The following SAAL1 variants were observed in gnomAD, a reference collection of about 807,000 sequenced individuals.
SAAL1 encodes serum amyloid A like 1, also known as protein SAAL1.
In SAAL1, 42 loss-of-function variants were observed where a neutral mutation model predicts 59.8. The ratio of observed to expected loss-of-function variants is 0.70; its 90% CI spans 0.55 to 0.91. SAAL1 has a LOEUF of 0.91. SAAL1 is among the 40% of genes least tolerant of loss of function. SAAL1 has a pLI of 0.00. For missense variants in SAAL1, 542 were observed against 561.1 expected, an observed-to-expected ratio of 0.97 and a Z score of 0.34; for synonymous variants, 191 against 194.3, an observed-to-expected ratio of 0.98 and a Z score of 0.14.
chr11:18,083,645 T>TA lies in SAAL1; in HGVS notation c.1128dup (p.Asn377Ter), dbSNP rs1287366038. On this transcript the variant is annotated frameshift_variant, in exon 10 of 12. Transcript: ENST00000524803. LOFTEE classifies it high-confidence loss of function. The stretch of plus-strand genomic sequence containing the variant: ...TCAGTCCTTTTAGTTTCCTCTGTGT[T>TA]AGACTCTGCCGAGTTCTCTGGTTTT... The TA allele has an allele frequency of 7.4e-6, 12 of 1,611,226 alleles. No individual in the cohort carries two copies. Among genetic ancestry groups the TA allele is most frequent in the Admixed American group, 6.7e-5 (4 of 59,994 alleles).
At chr11:18,094,948 G>A (rs1008820649) in intron 3 of SAAL1, among the ~76,000 whole-genome samples, 9 of 152,128 alleles carry the variant, frequency 5.9e-5, no homozygotes, top group African/African-American at 2.2e-4. Context: ...TCTCACACTT[G>A]GAGATTCTGC....
intron 7 of SAAL1, among the ~76,000 whole-genome samples, chr11:18,088,149 T>A (rs1046723425): frequency 6.6e-6 from 1 of 152,234 alleles, no homozygotes; most frequent in African/African-American, 2.4e-5. Flanking sequence ...AAACTTCACA[T>A]GACTGAAACG....
At chr11:18,095,504 T>A (rs1159510490) in intron 3 of SAAL1, among the ~76,000 whole-genome samples, 1 of 152,174 alleles carries the variant, frequency 6.6e-6, no homozygotes, top group Non-Finnish European at 1.5e-5. Flanking sequence ...AGAGAGGAAA[T>A]ACAGTACAGT....
In SAAL1 at chr11:18,106,016, G is replaced by C; in HGVS notation, c.26C>G (p.Pro9Arg). The C allele has an allele frequency of 6.2e-7, 1 of 1,608,648 alleles. No individual in the cohort carries two copies. Among genetic ancestry groups the C allele is most frequent in the East Asian group, 2.2e-5 (1 of 44,828 alleles). MDRNPSPP[P>R]PGRDKEEEEE... ...CTCCTCCTCCTTGTCGCGACCCGGC[G>C]GCGGCGGCGAGGGGTTGCGGTCCAT... The change falls in exon 1 of 12, where the codon CCG becomes CGG. Residue 9 changes from proline to arginine, a missense_variant. Physicochemically the swap from Pro to Arg is moderately radical, Grantham distance 103 (BLOSUM62 -2). Transcript: ENST00000524803.
In SAAL1 at chr11:18,099,234, C is replaced by T. The variant is rs1848607278; in HGVS notation, c.250-2380G>A. On this transcript the variant is annotated intron_variant, in intron 2 of 11. Coordinates refer to ENST00000524803, the MANE Select transcript of SAAL1 (RefSeq NM_138421.3). ...CTGGGCTCAAGTGATCCTCCTGCCT[C>T]AGCCTCCCAAATAGCTGGGAATACA... Among the ~76,000 whole-genome samples, 4 of 152,328 alleles carry T rather than the reference C, an allele frequency of 2.6e-5. No individual in the cohort carries two copies. The South Asian group carries it at 8.3e-4, about 32-fold the overall frequency.
chr11:18,104,401 T>C (rs78251200), intron 1 of SAAL1, among the ~76,000 whole-genome samples: 26,638 of 151,812 alleles, frequency 0.18, 3,008 homozygotes, highest in Non-Finnish European at 0.25. Context: ...CTGGGGTAGA[T>C]ATACAAAGAC....
chr11:18,101,666 T>A (rs980614238), intron 2 of SAAL1, among the ~76,000 whole-genome samples: 10 of 152,136 alleles, frequency 6.6e-5, no homozygotes, highest in Non-Finnish European at 1.5e-4. Flanking sequence ...CTCTAGGTAT[T>A]CACCCAAGGA....
intron 3 of SAAL1, among the ~76,000 whole-genome samples, chr11:18,095,263 C>A (rs959660390): frequency 6.6e-6 from 1 of 152,244 alleles, no homozygotes; most frequent in South Asian, 2.1e-4. Context: ...AGGTGCCATT[C>A]CTGACATAAG....
intron 1 of SAAL1, among the ~76,000 whole-genome samples, chr11:18,104,473 G>C (rs1246009509): frequency 2.6e-5 from 4 of 151,320 alleles, no homozygotes; most frequent in Non-Finnish European, 5.9e-5. Flanking sequence ...GGATCTAGTG[G>C]GGAAAGACAT....
At chr11:18,088,637 G>A (rs1848491620) in intron 7 of SAAL1, among the ~76,000 whole-genome samples, 1 of 152,084 alleles carries the variant, frequency 6.6e-6, no homozygotes, top group East Asian at 1.9e-4. Flanking sequence ...GAAAATACTG[G>A]GGCAGGAAAG....
chr11:18,093,983 T>C (rs979537454), intron 3 of SAAL1: 6 of 152,138 alleles, frequency 3.9e-5, no homozygotes, highest in Admixed American at 1.3e-4. Context: ...AGAAAGTGCA[T>C]AAAAGGCTAC....
Position 18,089,472 on chromosome 11 carries a change from G to T in SAAL1, c.628C>A (p.Leu210Ile). 1 of 1,612,444 alleles carries T rather than the reference G, an allele frequency of 6.2e-7. No individual in the cohort carries two copies. Among genetic ancestry groups the T allele is most frequent in the South Asian group, 1.1e-5 (1 of 90,728 alleles). The change falls in exon 7 of 12, where the codon CTC becomes ATC. Residue 210 changes from leucine (L) to isoleucine (I), a missense_variant. Transcript: ENST00000524803. ...LVKVGEVVDK[L>I]FDLDEKLMLE... ...ATTAGTTTCTCATCCAAATCAAAGAGCTTGTCCACAACCTCCCCCACCTTC... is the reference window on the plus strand; with the variant it reads ...ATTAGTTTCTCATCCAAATCAAAGATCTTGTCCACAACCTCCCCCACCTTC...
At chr11:18,098,383 C>T (rs1848599745) in intron 2 of SAAL1, among the ~76,000 whole-genome samples, 1 of 152,102 alleles carries the variant, frequency 6.6e-6, no homozygotes. Context: ...GACATGTGGC[C>T]CCAAATGAGC....
intron 2 of SAAL1, among the ~76,000 whole-genome samples, chr11:18,099,325 T>C (rs11024483): frequency 0.023 from 3,454 of 152,276 alleles, 148 homozygotes; most frequent in African/African-American, 0.08. Flanking sequence ...TATTCATCTA[T>C]TCATTCATTA....
At chr11:18,090,616 G>C (rs1848514418) in intron 4 of SAAL1, 123 bp from the exon 5 acceptor site, 1 of 1,055,102 alleles carries the variant, frequency 9.5e-7, no homozygotes, top group Admixed American at 3.2e-5. Flanking sequence ...AAGCTCAAAA[G>C]ATACAAATCT....
chr11:18,080,795 T>C (rs1056664351), intron 11 of SAAL1, among the ~76,000 whole-genome samples: 4 of 152,212 alleles, frequency 2.6e-5, no homozygotes, highest in Non-Finnish European at 5.9e-5. Flanking sequence ...CTGATTCTAA[T>C]GGTAGGAAAT....
Position 18,089,389 on chromosome 11 carries a change from A to C in SAAL1, c.711T>G (p.Ser237=), listed in dbSNP as rs1413025253. ...AQPLDQPQEE[S]EEQPVFRLVP... is the part of the protein sequence containing the mutation. The stretch of plus-strand genomic sequence containing the variant: ...CAAGCCGAAACACTGGCTGCTCTTC[A>C]GACTCTTCCTGGGGTTGGTCCAGAG... Residue 237 remains serine, a synonymous_variant, in exon 7 of 12, where the codon TCT becomes TCG. Transcript: ENST00000524803. 1 of 1,605,708 alleles carries C rather than the reference A, an allele frequency of 6.2e-7. No individual in the cohort carries two copies. Among genetic ancestry groups the C allele is most frequent in the Admixed American group, 1.7e-5 (1 of 57,300 alleles).
chr11:18,104,801 C>T (rs1848670822), intron 1 of SAAL1, among the ~76,000 whole-genome samples: 1 of 152,148 alleles, frequency 6.6e-6, no homozygotes, highest in Non-Finnish European at 1.5e-5. Flanking sequence ...AATGTACAAA[C>T]AGCCCTGGAT....
At chr11:18,097,138 G>C (rs571862217) in intron 2 of SAAL1, among the ~76,000 whole-genome samples, 1 of 152,250 alleles carries the variant, frequency 6.6e-6, no homozygotes, top group South Asian at 2.1e-4. Flanking sequence ...TCAGGAGGCT[G>C]AGGCAGGCGA....
Sources: allele counts gnomAD v4.1 joint callset (sites outside exome capture counted in the v4.1 genomes callset), GRCh38; gene constraint gnomAD v4.1.1; transcripts MANE v1.5; gene names NCBI Gene and HGNC (gene_info 2026-07-23, HGNC 2026-07-21).